Variants in MAP3K5 observed in about 807,000 individuals in gnomAD.
MAP3K5 encodes ASK-1.
A neutral mutation model predicts 158.7 loss-of-function variants in MAP3K5; 56 were observed. That is an observed-to-expected ratio of 0.35 (90% CI 0.28 to 0.44). The LOEUF (loss-of-function observed/expected upper bound fraction) is 0.44. Among genes scored for constraint, MAP3K5 ranks in the 20% least tolerant of loss-of-function variants. The probability of loss-of-function intolerance (pLI) is 1.00; values close to 1 mark genes in which losing one functional copy is unlikely to be tolerated. For missense variants in MAP3K5, 1,294 were observed against 1,674.8 expected (o/e 0.77, Z 3.97); for synonymous variants, 579 against 601.7 (o/e 0.96, Z 0.55).
intron 11 of MAP3K5, among the ~76,000 whole-genome samples, chr6:136,646,682 A>G (rs1778272877): frequency 6.6e-6 from 1 of 152,140 alleles, no homozygotes; most frequent in Non-Finnish European, 1.5e-5. Context: ...CATAATGTTC[A>G]TGTCTCCTAA....
chr6:136,735,318 G>A (rs1457556152), intron 1 of MAP3K5, among the ~76,000 whole-genome samples: 1 of 152,132 alleles, frequency 6.6e-6, no homozygotes, highest in African/African-American at 2.4e-5. Context: ...GGAGATGAAA[G>A]TAGAAATTAG....
At chr6:136,738,203 C>G (rs1782554888) in intron 1 of MAP3K5, among the ~76,000 whole-genome samples, 1 of 152,152 alleles carries the variant, frequency 6.6e-6, no homozygotes, top group African/African-American at 2.4e-5. Flanking sequence ...TTTCATTTTA[C>G]TTGTGTCTTT....
chr6:136,777,689 T>A (rs1158505640), intron 1 of MAP3K5, among the ~76,000 whole-genome samples: 1 of 152,206 alleles, frequency 6.6e-6, no homozygotes, highest in Non-Finnish European at 1.5e-5. Flanking sequence ...ATTTCTCCAT[T>A]AGAACATGTT....
At chr6:136,680,997 T>C (rs1450363628) in intron 7 of MAP3K5, among the ~76,000 whole-genome samples, 1 of 152,208 alleles carries the variant, frequency 6.6e-6, no homozygotes, top group Non-Finnish European at 1.5e-5. Context: ...AAATATTTCA[T>C]GCAAGGGGAA....
At chr6:136,602,848 T>A (rs1261386485) in intron 19 of MAP3K5, among the ~76,000 whole-genome samples, 1 of 152,232 alleles carries the variant, frequency 6.6e-6, no homozygotes, top group Non-Finnish European at 1.5e-5. Flanking sequence ...ATTACATGAT[T>A]TGTGAATATC....
chr6:136,658,869 T>G (rs970392861), intron 9 of MAP3K5, among the ~76,000 whole-genome samples: 2 of 152,122 alleles, frequency 1.3e-5, no homozygotes, highest in African/African-American at 4.8e-5. Context: ...GGAGTAGAGG[T>G]CTAACAGCTG....
At chr6:136,684,403 A>C (rs1780059051) in intron 7 of MAP3K5, among the ~76,000 whole-genome samples, 1 of 152,156 alleles carries the variant, frequency 6.6e-6, no homozygotes, top group East Asian at 1.9e-4. Flanking sequence ...TTTTCTAAAT[A>C]AGTCATACTG....
chr6:136,591,432 G>A (rs1775382161), intron 23 of MAP3K5, among the ~76,000 whole-genome samples: 1 of 152,168 alleles, frequency 6.6e-6, no homozygotes, highest in African/African-American at 2.4e-5. Context: ...CCTTGAACTG[G>A]GTAGATAGTT....
At chr6:136,582,615 G>T (rs553688793) in intron 24 of MAP3K5, among the ~76,000 whole-genome samples, 10 of 152,176 alleles carry the variant, frequency 6.6e-5, no homozygotes, top group Non-Finnish European at 1.5e-4. Flanking sequence ...GTGTCTCAGA[G>T]AATGCTAGTA....
In MAP3K5 at chr6:136,613,547, A is replaced by G. The variant is rs1203583994; in HGVS notation, c.2279-291T>C. ...TTATGTATTGTCTCTGTGAAATTAC[A>G]TAATTCACATGTAAAGCTTCTAGAA... On this transcript the variant is annotated intron_variant, in intron 16 of 29. Coordinates refer to ENST00000359015, the MANE Select transcript of MAP3K5 (RefSeq NM_005923.4). This position sits in a 1 kb window ranked among gnomAD's most constrained non-coding sequence, Gnocchi z 4.0. Among the ~76,000 whole-genome samples the G allele has an allele frequency of 6.6e-6, 1 of 152,240 alleles. No homozygotes were observed. The highest frequency in any genetic ancestry group is 1.5e-5 in the Non-Finnish European group (1 of 68,052).
At chr6:136,578,980 G>A (rs1454732983) in intron 25 of MAP3K5, among the ~76,000 whole-genome samples, 1 of 151,250 alleles carries the variant, frequency 6.6e-6, no homozygotes, top group Non-Finnish European at 1.5e-5. Context: ...AGACTAGCCT[G>A]GGCAACAGAG....
chr6:136,786,170 G>A (rs1466868479), intron 1 of MAP3K5, among the ~76,000 whole-genome samples: 1 of 152,100 alleles, frequency 6.6e-6, no homozygotes, highest in Non-Finnish European at 1.5e-5. Flanking sequence ...GAGGTCAGGA[G>A]TTTGAGACCA....
At chr6:136,594,788 G>A (rs544721615) in intron 21 of MAP3K5, among the ~76,000 whole-genome samples, 2 of 151,292 alleles carry the variant, frequency 1.3e-5, no homozygotes, top group South Asian at 4.2e-4. Flanking sequence ...GATTCCTATC[G>A]TGTGTTTCCG....
At chr6:136,596,595 G>A (rs1775642926) in intron 21 of MAP3K5, among the ~76,000 whole-genome samples, 1 of 152,204 alleles carries the variant, frequency 6.6e-6, no homozygotes, top group South Asian at 2.1e-4. Context: ...GGAACTCACT[G>A]GGAGAGGCAG....
At chr6:136,607,080 C>T (rs559789614) in intron 18 of MAP3K5, among the ~76,000 whole-genome samples, 6 of 152,316 alleles carry the variant, frequency 3.9e-5, no homozygotes, top group African/African-American at 1.4e-4. Context: ...GCTCGCCCAC[C>T]TTTACTACAA....
chr6:136,575,508 C>T (rs1405944847), intron 25 of MAP3K5, among the ~76,000 whole-genome samples: 1 of 152,154 alleles, frequency 6.6e-6, no homozygotes, highest in Non-Finnish European at 1.5e-5. Flanking sequence ...ATTTGAATTT[C>T]ACCAGTTTTC....
At chr6:136,689,630 G>C (rs779291024) in intron 7 of MAP3K5, among the ~76,000 whole-genome samples, 31 of 152,166 alleles carry the variant, frequency 2.0e-4, no homozygotes, top group Non-Finnish European at 4.1e-4. Flanking sequence ...AATCGGTTCT[G>C]TATAGAGGGA....
intron 7 of MAP3K5, among the ~76,000 whole-genome samples, 172 bp downstream of exon 7, chr6:136,693,968 A>G (rs953259276): frequency 2.6e-5 from 4 of 152,248 alleles, no homozygotes; most frequent in African/African-American, 9.6e-5. Context: ...AGCCTGGGCA[A>G]CAGAACAAGA....
chr6:136,654,603 T>A (rs1048823246), intron 10 of MAP3K5, among the ~76,000 whole-genome samples: 2 of 152,068 alleles, frequency 1.3e-5, no homozygotes. Flanking sequence ...TGCACCACCA[T>A]GCCTGGCTAA....
Sources: allele counts gnomAD v4.1 joint callset (sites outside exome capture counted in the v4.1 genomes callset), GRCh38; gene constraint gnomAD v4.1.1; non-coding constraint Gnocchi (gnomAD v3.1); transcripts MANE v1.5; gene names NCBI Gene and HGNC (gene_info 2026-07-23, HGNC 2026-07-21).